Variants in ZNF704 observed in about 807,000 individuals in gnomAD.
The protein encoded by ZNF704 is glucocorticoid induced gene 1.
A neutral mutation model predicts 44.7 loss-of-function variants in ZNF704; 10 were observed. The ratio of observed to expected loss-of-function variants is 0.22; its 90% CI spans 0.14 to 0.38. The LOEUF (loss-of-function observed/expected upper bound fraction) is 0.38, where lower values mean the gene tolerates loss of function less well. Ranked by LOEUF, ZNF704 falls within the 10% of genes least tolerant of loss-of-function variation. ZNF704 has a pLI of 1.00. For missense variants in ZNF704, 390 were observed against 545.5 expected (o/e 0.71, Z 2.84); for synonymous variants, 211 against 207.6 (o/e 1.02, Z -0.14).
intron 6 of ZNF704, among the ~76,000 whole-genome samples, chr8:80,663,927 C>T (rs1300055516): frequency 6.6e-6 from 1 of 151,516 alleles, no homozygotes; most frequent in Middle Eastern, 3.2e-3. Context: ...ATGGGGGTCT[C>T]ACCATGTTGC....
In ZNF704 at chr8:80,664,690, C is replaced by T. The variant is rs187728248; in HGVS notation, c.927+125G>A. The T allele has an allele frequency of 9.8e-5, 118 of 1,205,502 alleles. No homozygotes were observed. In the African/African-American group the frequency reaches 1.5e-3, roughly 15 times the overall value. The allele number at this position is 1,205,502 out of a possible 1,614,324, so 74.7% of individuals were successfully genotyped here. On this transcript the variant is annotated intron_variant, in intron 6 of 8. Transcript: ENST00000327835. ...TCTTAGGCTTTAAAGGGAGAAAAATCAAAGCTACCGGGCTGCCGTGTGTGA... is the reference window on the plus strand; with the variant it reads ...TCTTAGGCTTTAAAGGGAGAAAAATTAAAGCTACCGGGCTGCCGTGTGTGA...
At chr8:80,800,320 C>T (rs1807877385) in intron 2 of ZNF704, among the ~76,000 whole-genome samples, 1 of 152,058 alleles carries the variant, frequency 6.6e-6, no homozygotes, top group Non-Finnish European at 1.5e-5. Flanking sequence ...ATGCAGAGAA[C>T]CCCAGTAAGA....
chr8:80,716,081 A>G (rs1382614461), intron 2 of ZNF704, among the ~76,000 whole-genome samples: 4 of 127,658 alleles, frequency 3.1e-5, no homozygotes. Context: ...CTCTGTCTCG[A>G]AAAAAAAAAA....
intron 2 of ZNF704, among the ~76,000 whole-genome samples, chr8:80,808,990 T>C (rs1167892969): frequency 6.6e-6 from 1 of 152,154 alleles, no homozygotes. Context: ...TCTACAAAGA[T>C]TTGATAAAAC....
chr8:80,674,767 A>G (rs1028703648), intron 4 of ZNF704, among the ~76,000 whole-genome samples: 4 of 152,160 alleles, frequency 2.6e-5, no homozygotes, highest in Non-Finnish European at 5.9e-5. Flanking sequence ...ACCATATCAA[A>G]CTATGGCAAA....
intron 2 of ZNF704, among the ~76,000 whole-genome samples, chr8:80,760,096 T>C (rs578104440): frequency 7.9e-5 from 12 of 152,280 alleles, no homozygotes; most frequent in African/African-American, 2.9e-4. Flanking sequence ...AGAAAGACCC[T>C]GATGAGCAGT....
intron 2 of ZNF704, among the ~76,000 whole-genome samples, chr8:80,772,052 G>A (rs944709881): frequency 6.6e-6 from 1 of 152,140 alleles, no homozygotes; most frequent in Non-Finnish European, 1.5e-5. Context: ...CAAATATTGA[G>A]TCAGCCTGGA....
chr8:80,632,763 C>T lies in ZNF704; in HGVS notation c.*8603G>A, dbSNP rs1472042306. 1 of 152,188 alleles carries T rather than the reference C, an allele frequency of 6.6e-6. No homozygotes were observed. Among genetic ancestry groups the T allele is most frequent in the Non-Finnish European group, 1.5e-5 (1 of 68,030 alleles). 9.4% of individuals were successfully genotyped at this position (152,188 alleles called of 1,614,324 possible). A position where few individuals can be genotyped will look rare whatever the true frequency, so the allele number is the denominator to read the frequency against. On this transcript the variant is annotated 3_prime_UTR_variant, in exon 9 of 9. Transcript: ENST00000327835. ...TTTCGGAACCATAGCTTTCTTCTTT[C>T]TTTCTTCATGGGTCTTTCTACATCC... is the stretch of plus-strand genomic sequence containing the variant.
chr8:80,716,363 C>T (rs1819072153), intron 2 of ZNF704, among the ~76,000 whole-genome samples: 1 of 152,210 alleles, frequency 6.6e-6, no homozygotes, highest in Non-Finnish European at 1.5e-5. Flanking sequence ...CTTTCTAAAG[C>T]ACTTCTTTCT....
intron 2 of ZNF704, among the ~76,000 whole-genome samples, chr8:80,766,765 T>C (rs917907236): frequency 2.0e-5 from 3 of 152,120 alleles, no homozygotes; most frequent in Non-Finnish European, 4.4e-5. Flanking sequence ...CAGGCTGGAG[T>C]GCAGTGGCAC....
chr8:80,647,903 T>C (rs62515110), intron 7 of ZNF704, among the ~76,000 whole-genome samples: 21,036 of 152,206 alleles, frequency 0.14, 1,894 homozygotes, highest in Non-Finnish European at 0.19. Flanking sequence ...TTTGTGCTGC[T>C]ATAACAGAGT....
intron 1 of ZNF704, among the ~76,000 whole-genome samples, chr8:80,843,700 T>C (rs1808717689): frequency 1.3e-5 from 2 of 152,174 alleles, no homozygotes; most frequent in Non-Finnish European, 2.9e-5. Context: ...ATCATTTTCA[T>C]GGCACTCTTC....
the ZNF704 span, among the ~76,000 whole-genome samples, chr8:80,880,341 A>G: frequency 6.6e-6 from 1 of 152,224 alleles, no homozygotes; most frequent in Non-Finnish European, 1.5e-5. Flanking sequence ...TTCAAGAGAA[A>G]AAGAATGATT....
chr8:80,793,555 T>C lies in ZNF704; in HGVS notation c.221+27819A>G, dbSNP rs192644265. On this transcript the variant is annotated intron_variant, in intron 2 of 8. Coordinates refer to ENST00000327835, the MANE Select transcript of ZNF704 (RefSeq NM_001033723.3). ...CCATTATTTAGAAAAGTAAGCTGTT[T>C]ATGTAAAGCATAATATAAAGAAATG... Among the ~76,000 whole-genome samples the C allele has an allele frequency of 2.4e-4, 36 of 152,198 alleles. 2 individuals carry two copies. The East Asian group carries it at 6.6e-3, about 28-fold the overall frequency.
intron 3 of ZNF704, among the ~76,000 whole-genome samples, chr8:80,692,363 C>T (rs952681260): frequency 2.6e-5 from 4 of 152,168 alleles, no homozygotes; most frequent in African/African-American, 9.7e-5. Context: ...GTGGGAATTA[C>T]AGGCGATAAG....
chr8:80,746,735 C>T (rs145329288), intron 2 of ZNF704, among the ~76,000 whole-genome samples: 8 of 152,256 alleles, frequency 5.3e-5, no homozygotes, highest in African/African-American at 9.6e-5. Flanking sequence ...CCCATTGTTA[C>T]GGGCAATAGC....
chr8:80,724,379 T>G (rs1457499463), intron 2 of ZNF704, among the ~76,000 whole-genome samples: 1 of 152,250 alleles, frequency 6.6e-6, no homozygotes, highest in Non-Finnish European at 1.5e-5. Context: ...GTTTCTTCTT[T>G]AAAGCTCATG....
intron 1 of ZNF704, among the ~76,000 whole-genome samples, chr8:80,853,296 A>C (rs903503886): frequency 1.3e-5 from 2 of 152,196 alleles, no homozygotes; most frequent in African/African-American, 4.8e-5. Context: ...TGGGCCCAGG[A>C]GGTCAAGGGT....
intron 2 of ZNF704, among the ~76,000 whole-genome samples, chr8:80,731,989 GATA>G (rs1471367587): frequency 6.6e-6 from 1 of 152,160 alleles, no homozygotes; most frequent in African/African-American, 2.4e-5. Context: ...TCAAACTAAT[GATA>G]ATGTCTTCAA....
Sources: allele counts gnomAD v4.1 joint callset (sites outside exome capture counted in the v4.1 genomes callset), GRCh38; gene constraint gnomAD v4.1.1; transcripts MANE v1.5; gene names NCBI Gene and HGNC (gene_info 2026-07-23, HGNC 2026-07-21).